The following DUSP18 variants were observed in gnomAD, a reference collection of about 807,000 sequenced individuals.
DUSP18 encodes the protein dual specificity phosphatase 18.
DUSP18 carries 4 observed loss-of-function variants against 6.3 expected under a neutral mutation model. That is an observed-to-expected ratio of 0.63 (90% CI 0.31 to 1.45). The LOEUF (loss-of-function observed/expected upper bound fraction) is 1.45. Among genes scored for constraint, DUSP18 ranks in the 40% most tolerant of loss-of-function variants. The pLI, the probability that DUSP18 is intolerant of heterozygous loss-of-function variation, is 0.07. For synonymous variants in DUSP18, 96 were observed against 95.1 expected (o/e 1.01, Z -0.05); for missense variants, 235 against 247.7 (o/e 0.95, Z 0.34).
chr22:30,655,515 T>A (rs2088323011), intron 2 of DUSP18, among the ~76,000 whole-genome samples: 1 of 151,994 alleles, frequency 6.6e-6, no homozygotes, highest in South Asian at 2.1e-4. Flanking sequence ...TCCTTTTTTT[T>A]TTTCTTCCAG....
chr22:30,659,928 G>GA (rs76965000), downstream of DUSP18, among the ~76,000 whole-genome samples: 156 of 152,278 alleles, frequency 1.0e-3, 3 homozygotes, highest in East Asian at 0.027. Flanking sequence ...CCTATTTCTG[G>GA]AGGGGCACAC....
In DUSP18 at chr22:30,663,076, T is replaced by G; in HGVS notation, c.*361A>C. On this transcript the variant is annotated 3_prime_UTR_variant, in exon 2 of 2. Transcript: ENST00000334679. The stretch of plus-strand genomic sequence containing the variant: ...TGGCTCTGGGTGTGAAAGAATGAGG[T>G]GGAATTGTAGCAGATTCATTCCTGG... 4.8e-6 allele frequency: 1 copy of G among 208,792 alleles called. No individual in the cohort carries two copies. The highest frequency in any genetic ancestry group is 9.7e-6 in the Non-Finnish European group (1 of 103,166). 12.9% of individuals were successfully genotyped at this position (208,792 alleles called of 1,614,324 possible).
At chr22:30,667,441 T>G (rs1219614653) in intron 1 of DUSP18, 21 bp downstream of exon 1, 1 of 152,186 alleles carries the variant, frequency 6.6e-6, no homozygotes, top group Non-Finnish European at 1.5e-5. Context: ...CTGCTTAGTG[T>G]CAGGACCCCC....
chr22:30,661,331 G>A (rs1438667968), downstream of DUSP18: 2 of 152,026 alleles, frequency 1.3e-5, no homozygotes, highest in African/African-American at 2.4e-5. Context: ...AAGCATTCTG[G>A]ATTTTAGAGT....
rs56242112 is a variant in DUSP18, at chr22:30,661,444, CTTTTTTTT to C, written c.*1985_*1992del. Reference sequence around the variant, plus strand: ...GCATTTCTTTTTTTCTTTTCTTTTTCTTTTTTTTTTTTTTTCTTTTTGAGATGGAGTCT... The same window carrying C: ...GCATTTCTTTTTTTCTTTTCTTTTTCTTTTTTTCTTTTTGAGATGGAGTCT... On this transcript the variant is annotated 3_prime_UTR_variant, in exon 2 of 2. Transcript: ENST00000334679. 6.7e-4 allele frequency: 91 copies of C among 136,476 alleles called. No homozygotes were observed. Among genetic ancestry groups the C allele is most frequent in the Middle Eastern group, 3.8e-3 (1 of 264 alleles). 8.5% of individuals were successfully genotyped at this position (136,476 alleles called of 1,614,324 possible).
downstream of DUSP18, among the ~76,000 whole-genome samples, chr22:30,657,445 C>T (rs2088362804): frequency 1.5e-5 from 2 of 133,274 alleles, no homozygotes; most frequent in Admixed American, 1.6e-4. Flanking sequence ...GGTGACAGAG[C>T]AAGACTCTGT....
rs916130083 is a variant in DUSP18, at chr22:30,663,359, T to C, written c.*78A>G. On this transcript the variant is annotated 3_prime_UTR_variant, in exon 2 of 2. Coordinates refer to ENST00000334679, the MANE Select transcript of DUSP18 (RefSeq NM_152511.5). Reference sequence around the variant, plus strand: ...TTTTTCTGTATCAACAAAAGTAGAATGTTCAAGTTTGGATCTTGGTGTAAG... The same window carrying C: ...TTTTTCTGTATCAACAAAAGTAGAACGTTCAAGTTTGGATCTTGGTGTAAG... 1.0e-5 allele frequency: 14 copies of C among 1,395,484 alleles called. No homozygotes were observed. 86.4% of individuals were successfully genotyped at this position (1,395,484 alleles called of 1,614,324 possible).
At chr22:30,659,123 C>CA (rs35939188), downstream of DUSP18, among the ~76,000 whole-genome samples, 120 of 104,640 alleles carry the variant, frequency 1.1e-3, 1 homozygote, top group African/African-American at 2.2e-3. Flanking sequence ...GACTCCATCT[C>CA]AAAAAAAAAA....
downstream of DUSP18, among the ~76,000 whole-genome samples, chr22:30,657,053 C>G (rs146457027): frequency 9.8e-3 from 1,499 of 152,288 alleles, 13 homozygotes; most frequent in South Asian, 0.03. Flanking sequence ...AACTAGATCA[C>G]AATACTAATA....
intron 1 of DUSP18, among the ~76,000 whole-genome samples, chr22:30,666,519 G>A (rs922947893): frequency 6.6e-6 from 1 of 150,630 alleles, no homozygotes; most frequent in African/African-American, 2.5e-5. Flanking sequence ...CTACTCAGGA[G>A]GCTGAGACGG....
intron 1 of DUSP18, among the ~76,000 whole-genome samples, chr22:30,666,549 GA>G (rs2145629531): frequency 6.6e-6 from 1 of 151,078 alleles, no homozygotes; most frequent in Admixed American, 6.6e-5. Flanking sequence ...TTGAACCCGG[GA>G]GGCGGAGGCT....
In DUSP18 at chr22:30,663,205, C is replaced by T; in HGVS notation, c.*232G>A. On this transcript the variant is annotated 3_prime_UTR_variant, in exon 2 of 2. Coordinates refer to ENST00000334679, the MANE Select transcript of DUSP18 (RefSeq NM_152511.5). Reference sequence around the variant, plus strand: ...CCATCTGCCTCAACCTATCCCCTGGCCAGTGTCACTCACAGGGCAGAAAAT... The same window carrying T: ...CCATCTGCCTCAACCTATCCCCTGGTCAGTGTCACTCACAGGGCAGAAAAT... The T allele has an allele frequency of 1.9e-6, 1 of 522,740 alleles. No homozygotes were observed. Among genetic ancestry groups the T allele is most frequent in the Non-Finnish European group, 3.4e-6 (1 of 294,128 alleles). The allele number at this position is 522,740 out of a possible 1,614,324, so 32.4% of individuals were successfully genotyped here. A position where few individuals can be genotyped will look rare whatever the true frequency, so the allele number is the denominator to read the frequency against.
chr22:30,667,309 C>G (rs5997732), intron 1 of DUSP18, 153 bp downstream of exon 1: 9 of 152,286 alleles, frequency 5.9e-5, no homozygotes, highest in African/African-American at 2.2e-4. Context: ...GCGGGGCGTT[C>G]GTGAAATACT....
At chr22:30,660,514 G>A (rs533930299), downstream of DUSP18, among the ~76,000 whole-genome samples, 9 of 152,140 alleles carry the variant, frequency 5.9e-5, no homozygotes, top group South Asian at 1.0e-3. Flanking sequence ...AGGAATTCAC[G>A]GACAATGTCA....
At chr22:30,654,627 AG>A in intron 2 of DUSP18, 1 of 459,574 alleles carries the variant, frequency 2.2e-6, no homozygotes. Flanking sequence ...TGCCTCGGGA[AG>A]GGTTGCTGTT....
Position 30,662,904 on chromosome 22 carries a change from A to G in DUSP18, c.*533T>C, listed in dbSNP as rs1479984300. On this transcript the variant is annotated 3_prime_UTR_variant, in exon 2 of 2. Transcript: ENST00000334679. ...CTTATGCATAAGTACAATCTAGAAA[A>G]CCAGAACTGGGCCACTTATAGTGAA... 6.5e-6 allele frequency: 1 copy of G among 154,038 alleles called. No homozygotes were observed. Among genetic ancestry groups the G allele is most frequent in the African/African-American group, 2.4e-5 (1 of 41,438 alleles). 9.5% of individuals were successfully genotyped at this position (154,038 alleles called of 1,614,324 possible).
At chr22:30,654,606 G>C (rs1262363237) in intron 2 of DUSP18, 6 of 465,566 alleles carry the variant, frequency 1.3e-5, no homozygotes, top group Non-Finnish European at 2.6e-5. Flanking sequence ...TGGGGGCCCA[G>C]AAGTGGTAGG....
At chr22:30,664,775 A>C (rs780067353) in intron 1 of DUSP18, among the ~76,000 whole-genome samples, 1 of 152,244 alleles carries the variant, frequency 6.6e-6, no homozygotes, top group African/African-American at 2.4e-5. Flanking sequence ...CCTCTGAAGA[A>C]GGCCTGGGAA....
In DUSP18 at chr22:30,662,511, G is replaced by A. The variant is rs567546900; in HGVS notation, c.*926C>T. On this transcript the variant is annotated 3_prime_UTR_variant, in exon 2 of 2. Coordinates refer to ENST00000334679, the MANE Select transcript of DUSP18 (RefSeq NM_152511.5). ...CAAGAGCTCTTTGAAACTTTGCCAT[G>A]TACAATAGCACTCACAATTTTTTTT... 1 of 152,302 alleles carries A rather than the reference G, an allele frequency of 6.6e-6. No homozygotes were observed. The highest frequency in any genetic ancestry group is 2.1e-4 in the South Asian group (1 of 4,824). 9.4% of individuals were successfully genotyped at this position (152,302 alleles called of 1,614,324 possible).
Sources: allele counts gnomAD v4.1 joint callset (sites outside exome capture counted in the v4.1 genomes callset), GRCh38; gene constraint gnomAD v4.1.1; transcripts MANE v1.5; gene names NCBI Gene and HGNC (gene_info 2026-07-23, HGNC 2026-07-21).